MMP16: variants seen among roughly 807,000 people sequenced by gnomAD.
The protein encoded by MMP16 is matrix metalloproteinase-16.
In MMP16, 12 loss-of-function variants were observed where a neutral mutation model predicts 67.8. That is an observed-to-expected ratio of 0.18 (90% CI 0.11 to 0.29). The LOEUF (loss-of-function observed/expected upper bound fraction) is 0.29. Among genes scored for constraint, MMP16 ranks in the 10% least tolerant of loss-of-function variants. The pLI, the probability that MMP16 is intolerant of heterozygous loss-of-function variation, is 1.00. For synonymous variants in MMP16, 249 were observed against 255.9 expected (o/e 0.97, Z 0.26); for missense variants, 475 against 765.7 (o/e 0.62, Z 4.48).
intron 1 of MMP16, among the ~76,000 whole-genome samples, chr8:88,251,495 A>G (rs1205032811): frequency 2.1e-5 from 3 of 141,852 alleles, no homozygotes; most frequent in Non-Finnish European, 3.0e-5. Context: ...AATCAATTCA[A>G]GATGGATTAA....
intron 9 of MMP16, among the ~76,000 whole-genome samples, chr8:88,042,189 C>T (rs1454357227): frequency 6.6e-6 from 1 of 152,068 alleles, no homozygotes; most frequent in African/African-American, 2.4e-5. Flanking sequence ...CTGAAACAGC[C>T]TTATAAACTG....
At position 88,197,243 on chromosome 8, in the gene MMP16, C is replaced by A; in HGVS notation, c.196G>T (p.Ala66Ser). 4 of 1,611,124 alleles carry A rather than the reference C, an allele frequency of 2.5e-6. No homozygotes were observed. The highest frequency in any genetic ancestry group is 3.4e-6 in the Non-Finnish European group (4 of 1,179,090). The stretch of plus-strand genomic sequence containing the variant: ...GCTAGGGCAGACTGCATGGTCTCTG[C>A]AGAGCGCAGCACTGACATTCTGGGG... ...TDPRMSVLRS[A>S]ETMQSALAAM... The change falls in exon 2 of 10, where the codon GCA becomes TCA. Residue 66 changes from alanine (A) to serine (S), a missense_variant. By Grantham distance (99) the Ala-to-Ser change is moderately conservative. This residue lies in a region of MMP16 where 170 missense variants were observed against 239.6 expected (regional missense o/e 0.71). Transcript: ENST00000286614.
At chr8:88,054,284 T>C (rs1586125287) in intron 8 of MMP16, among the ~76,000 whole-genome samples, 1 of 152,172 alleles carries the variant, frequency 6.6e-6, no homozygotes, top group East Asian at 1.9e-4. Flanking sequence ...ATTTTTGCCC[T>C]TTTTTGAGAA....
In MMP16 at chr8:88,171,830, AT is replaced by A. The variant is rs148093843; in HGVS notation, c.405-3858del. Among the ~76,000 whole-genome samples the A allele has an allele frequency of 5.2e-3, 742 of 143,970 alleles. 3 individuals carry two copies. Among genetic ancestry groups the A allele is most frequent in the African/African-American group, 0.01 (405 of 39,568 alleles). The allele number at this position is 143,970 out of a possible 152,430, so 94.4% of individuals were successfully genotyped here. On this transcript the variant is annotated intron_variant, in intron 3 of 9. Coordinates refer to ENST00000286614, the MANE Select transcript of MMP16 (RefSeq NM_005941.5). ...ATGATGAATTTCAATGATATGATGC[AT>A]TTTTTTTTTTTTTGAGACGGAGTCT...
At chr8:88,158,689 T>A (rs984403399) in intron 4 of MMP16, among the ~76,000 whole-genome samples, 2 of 152,220 alleles carry the variant, frequency 1.3e-5, no homozygotes, top group African/African-American at 4.8e-5. Flanking sequence ...ATTTGTCAAT[T>A]TTGGCTTTTG....
intron 6 of MMP16, among the ~76,000 whole-genome samples, chr8:88,112,759 T>C (rs1809360131): frequency 6.6e-6 from 1 of 151,428 alleles, no homozygotes; most frequent in Admixed American, 6.6e-5. Flanking sequence ...TCACTTTAAA[T>C]AAATGGATGC....
intron 7 of MMP16, among the ~76,000 whole-genome samples, chr8:88,071,010 A>G (rs1325233114): frequency 6.6e-6 from 1 of 152,108 alleles, no homozygotes; most frequent in African/African-American, 2.4e-5. Context: ...TATGTTCAGA[A>G]TGTAGAATTG....
intron 9 of MMP16, among the ~76,000 whole-genome samples, chr8:88,043,434 C>A (rs1808158102): frequency 6.6e-6 from 1 of 152,138 alleles, no homozygotes; most frequent in African/African-American, 2.4e-5. Context: ...CAGGCATATG[C>A]CACCATGCCT....
At chr8:88,231,697 C>CA (rs1233508442) in intron 1 of MMP16, among the ~76,000 whole-genome samples, 1 of 152,154 alleles carries the variant, frequency 6.6e-6, no homozygotes, top group African/African-American at 2.4e-5. Context: ...CCTGTGAAAA[C>CA]ATTCCTGGTA....
chr8:88,165,179 A>T (rs1161869505), intron 4 of MMP16, among the ~76,000 whole-genome samples: 56 of 22,992 alleles, frequency 2.4e-3, no homozygotes, highest in Non-Finnish European at 1.5e-3. Context: ...CCCCATCTCT[A>T]AAAAAAAAAA....
intron 1 of MMP16, among the ~76,000 whole-genome samples, chr8:88,235,199 C>G (rs926771609): frequency 7.2e-5 from 11 of 152,038 alleles, no homozygotes; most frequent in African/African-American, 2.7e-4. Context: ...CGAGACCAGC[C>G]TGGCCAACGT....
rs151171191 is a variant in MMP16 at position 88,237,973 on chromosome 8, T to C, written c.133-40667A>G. The stretch of plus-strand genomic sequence containing the variant: ...ACTGGGTCATCAGTCAATCTAAAGT[T>C]GGCAGGATGAACTTCAAAGTAACAT... On this transcript the variant is annotated intron_variant, in intron 1 of 9. Coordinates refer to ENST00000286614, the MANE Select transcript of MMP16 (RefSeq NM_005941.5). Among the ~76,000 whole-genome samples, 33 of 152,328 alleles carry C rather than the reference T, an allele frequency of 2.2e-4. No homozygotes were observed. The East Asian group carries it at 6.4e-3, about 29-fold the overall frequency.
chr8:88,098,438 C>T (rs1203336420), intron 6 of MMP16, among the ~76,000 whole-genome samples: 1 of 151,936 alleles, frequency 6.6e-6, no homozygotes, highest in Non-Finnish European at 1.5e-5. Flanking sequence ...TCTGGTGTGG[C>T]CAGTCCCTAC....
chr8:88,124,419 A>AC (rs759188961), intron 4 of MMP16, among the ~76,000 whole-genome samples: 2 of 151,962 alleles, frequency 1.3e-5, no homozygotes, highest in Non-Finnish European at 2.9e-5. Flanking sequence ...ATGGAACTTG[A>AC]CCAAAGTTAC....
At chr8:88,307,357 C>T (rs535300057) in intron 1 of MMP16, among the ~76,000 whole-genome samples, 30 of 152,072 alleles carry the variant, frequency 2.0e-4, no homozygotes, top group South Asian at 1.4e-3. Context: ...ATTCAACTAT[C>T]CTTTTCTGGT....
At chr8:88,226,237 C>A (rs1384105326) in intron 1 of MMP16, among the ~76,000 whole-genome samples, 1 of 151,860 alleles carries the variant, frequency 6.6e-6, no homozygotes, top group African/African-American at 2.4e-5. Flanking sequence ...AATCTGTGTT[C>A]TCCTTTCTAT....
intron 8 of MMP16, among the ~76,000 whole-genome samples, chr8:88,053,441 C>T (rs1176516994): frequency 1.3e-5 from 2 of 152,092 alleles, no homozygotes; most frequent in South Asian, 2.1e-4. Context: ...GTATTACAGC[C>T]GTTATTCACC....
At chr8:88,290,422 G>A (rs1295714562) in intron 1 of MMP16, among the ~76,000 whole-genome samples, 1 of 151,972 alleles carries the variant, frequency 6.6e-6, no homozygotes, top group Non-Finnish European at 1.5e-5. Flanking sequence ...GCATGGTGGC[G>A]GGCACCTGTA....
Position 88,061,888 on chromosome 8 carries a change from C to CT in MMP16, c.1223-5611dup, listed in dbSNP as rs1258647545. On this transcript the variant is annotated intron_variant, in intron 7 of 9. Coordinates refer to ENST00000286614, the MANE Select transcript of MMP16 (RefSeq NM_005941.5). The stretch of plus-strand genomic sequence containing the variant: ...CCTTTGTATAAAACAGCTCAATCAG[C>CT]TTTTTTTTTTTTCTTAACCTGCTAG... Among the ~76,000 whole-genome samples the CT allele has an allele frequency of 6.6e-3, 950 of 145,010 alleles. 2 individuals carry two copies. Among genetic ancestry groups the CT allele is most frequent in the Middle Eastern group, 0.011 (3 of 280 alleles).
Sources: allele counts gnomAD v4.1 joint callset (sites outside exome capture counted in the v4.1 genomes callset), GRCh38; gene constraint gnomAD v4.1.1; regional missense constraint gnomAD v4.1.1; transcripts MANE v1.5; gene names NCBI Gene and HGNC (gene_info 2026-07-23, HGNC 2026-07-21).